COL4A5: variants seen among roughly 807,000 people sequenced by gnomAD.
COL4A5 encodes the protein collagen alpha-5(IV) chain.
Under a neutral mutation model 130.2 loss-of-function variants are expected in COL4A5, and 26 were observed. The ratio of observed to expected loss-of-function variants is 0.20; its 90% CI spans 0.15 to 0.28. The LOEUF (loss-of-function observed/expected upper bound fraction) is 0.28, where lower values mean the gene tolerates loss of function less well. COL4A5 is among the 10% of genes least tolerant of loss of function. The pLI is 1.00. For missense variants in COL4A5, 1,131 were observed against 1,344.3 expected (o/e 0.84, Z 2.48); for synonymous variants, 496 against 439.6 (o/e 1.13, Z -1.60).
intron 1 of COL4A5, among the ~76,000 whole-genome samples, chrX:108,493,068 A>G (rs751970616): frequency 3.6e-5 from 4 of 111,852 alleles, no homozygotes; most frequent in African/African-American, 1.3e-4. Context: ...TCATCTTTAT[A>G]AGGAAATCAT....
intron 34 of COL4A5, among the ~76,000 whole-genome samples, chrX:108,624,827 A>G (rs1234442648): frequency 9.0e-6 from 1 of 110,621 alleles, no homozygotes; most frequent in Non-Finnish European, 1.9e-5. Context: ...AGCATTAATC[A>G]CTCTTAGAGT....
chrX:108,584,550 G>A lies in COL4A5; in HGVS notation c.1032+25G>A, dbSNP rs58190747. On this transcript the variant is annotated intron_variant, in intron 18 of 52. Transcript: ENST00000328300. The stretch of plus-strand genomic sequence containing the variant: ...TGTAAGTTTTTTTTTTTTAGTCTTC[G>A]TTTATCAAATTTATTAATGCATTAT... The A allele has an allele frequency of 0.024, 28,072 of 1,167,668 alleles. 2,659 individuals are homozygous for A. The African/African-American group carries it at 0.34, about 14-fold the overall frequency.
At chrX:108,628,399 A>T (rs985896846) in intron 36 of COL4A5, among the ~76,000 whole-genome samples, 1 of 111,411 alleles carries the variant, frequency 9.0e-6, no homozygotes. Flanking sequence ...CATGATTAGT[A>T]TAAGTGATTT....
chrX:108,685,842 A>T (rs1332101277), intron 47 of COL4A5, among the ~76,000 whole-genome samples, 189 bp from the exon 48 acceptor site: 1 of 112,316 alleles, frequency 8.9e-6, no homozygotes, highest in Admixed American at 9.4e-5. Flanking sequence ...AAGCAAATGG[A>T]TTGTTTAAAA....
intron 2 of COL4A5, among the ~76,000 whole-genome samples, chrX:108,552,842 G>T (rs1438304723): frequency 8.9e-6 from 1 of 111,843 alleles, no homozygotes; most frequent in Non-Finnish European, 1.9e-5. Context: ...AACAATGTTG[G>T]AGGATTTACA....
At chrX:108,653,666 A>G (rs1354575501) in intron 36 of COL4A5, among the ~76,000 whole-genome samples, 2 of 111,958 alleles carry the variant, frequency 1.8e-5, no homozygotes, top group South Asian at 3.7e-4. Flanking sequence ...AGTATCATAA[A>G]TAATCCAGAG....
intron 50 of COL4A5, among the ~76,000 whole-genome samples, chrX:108,693,305 G>C (rs960258134): frequency 3.6e-5 from 4 of 111,516 alleles, no homozygotes; most frequent in Non-Finnish European, 7.5e-5. Flanking sequence ...AATATGTCTT[G>C]AACTGGTCAG....
At chrX:108,442,630 A>G (rs1451826459) in intron 1 of COL4A5, among the ~76,000 whole-genome samples, 1 of 111,180 alleles carries the variant, frequency 9.0e-6, no homozygotes. Flanking sequence ...TCTACTTTAA[A>G]CGTACTATCT....
At chrX:108,665,318 G>A (rs2068054481) in intron 37 of COL4A5, among the ~76,000 whole-genome samples, 189 bp from the exon 38 acceptor site, 1 of 111,772 alleles carries the variant, frequency 8.9e-6, no homozygotes. Context: ...ATATAATAAT[G>A]CCAACTTCAG....
chrX:108,477,990 G>C (rs906019445), intron 1 of COL4A5, among the ~76,000 whole-genome samples: 1 of 110,538 alleles, frequency 9.0e-6, no homozygotes, highest in African/African-American at 3.3e-5. Flanking sequence ...TTTTCCTGGT[G>C]GAGTGACCCA....
chrX:108,594,678 A>G (rs2066485754), intron 21 of COL4A5, among the ~76,000 whole-genome samples: 1 of 107,025 alleles, frequency 9.3e-6, no homozygotes, highest in African/African-American at 3.4e-5. Context: ...GATGTTCTAC[A>G]CTCTTATGCA....
Position 108,483,774 on chromosome X carries a change from A to G in COL4A5, c.81+43568A>G, listed in dbSNP as rs750004420. On this transcript the variant is annotated intron_variant, in intron 1 of 52. Coordinates refer to ENST00000328300, the MANE Select transcript of COL4A5 (RefSeq NM_033380.3). ...GTTCCCTTTTCTCCACATCCTTTCCAGAATTTGTTATTGCCTGTCTTCTTG... is the reference window on the plus strand; with the variant it reads ...GTTCCCTTTTCTCCACATCCTTTCCGGAATTTGTTATTGCCTGTCTTCTTG... 1.4e-3 allele frequency among the ~76,000 whole-genome samples: 154 copies of G among 112,205 alleles called. 1 individual carries two copies. Among genetic ancestry groups the G allele is most frequent in the South Asian group, 8.1e-3 (22 of 2,715 alleles).
intron 1 of COL4A5, among the ~76,000 whole-genome samples, chrX:108,480,525 G>A (rs990842569): frequency 8.9e-6 from 1 of 112,968 alleles, no homozygotes; most frequent in Non-Finnish European, 1.9e-5. Context: ...ATGACACAAA[G>A]CCAGAGAGTT....
chrX:108,521,350 C>G (rs1287054998), intron 1 of COL4A5, among the ~76,000 whole-genome samples: 1 of 110,696 alleles, frequency 9.0e-6, no homozygotes, highest in Non-Finnish European at 1.9e-5. Context: ...TCTGAACTCT[C>G]TTTTCAAGGA....
intron 2 of COL4A5, among the ~76,000 whole-genome samples, chrX:108,552,903 C>T (rs1233112499): frequency 8.9e-6 from 1 of 111,927 alleles, no homozygotes; most frequent in Non-Finnish European, 1.9e-5. Flanking sequence ...AGATAGTGTG[C>T]TATTAGCCAA....
At chrX:108,578,044 A>T in intron 11 of COL4A5, 34 bp from the exon 12 acceptor site, 1 of 1,204,214 alleles carries the variant, frequency 8.3e-7, no homozygotes. Context: ...TCTTACTGTC[A>T]GTGAGATTTT....
intron 1 of COL4A5, among the ~76,000 whole-genome samples, chrX:108,528,060 C>T (rs748681903): frequency 1.8e-5 from 2 of 111,994 alleles, no homozygotes; most frequent in Non-Finnish European, 3.8e-5. Flanking sequence ...CACCTGGAGG[C>T]CTAAGAATAG....
At chrX:108,655,579 A>G in intron 37 of COL4A5, 122 bp downstream of exon 37, 3 of 813,736 alleles carry the variant, frequency 3.7e-6, no homozygotes, top group South Asian at 2.3e-5. Flanking sequence ...CTGACTAGCA[A>G]CATAATCTCA....
chrX:108,543,860 C>G (rs976254958), intron 2 of COL4A5, among the ~76,000 whole-genome samples: 1 of 111,674 alleles, frequency 9.0e-6, no homozygotes, highest in African/African-American at 3.3e-5. Flanking sequence ...GTTTCATTCT[C>G]TTTGAAGCAA....
Sources: allele counts gnomAD v4.1 joint callset (sites outside exome capture counted in the v4.1 genomes callset), GRCh38; gene constraint gnomAD v4.1.1; transcripts MANE v1.5; gene names NCBI Gene and HGNC (gene_info 2026-07-23, HGNC 2026-07-21).